Variants in ART3 observed in about 807,000 individuals in gnomAD.
ART3 encodes the protein ecto-ADP-ribosyltransferase 3.
Under a neutral mutation model 48.5 loss-of-function variants are expected in ART3, and 49 were observed. The observed-to-expected ratio is 1.01, with a 90% CI of 0.80 to 1.28. The LOEUF is 1.28. Ranked by LOEUF, ART3 falls within the 50% of genes most tolerant of loss-of-function variation. ART3 has a pLI of 0.00. For synonymous variants in ART3, 145 were observed against 157.2 expected (o/e 0.92, Z 0.58); for missense variants, 438 against 454.3 (o/e 0.96, Z 0.33).
At chr4:76,104,297 C>T (rs1727990265) in intron 9 of ART3, 8 of 948,676 alleles carry the variant, frequency 8.4e-6, no homozygotes, top group South Asian at 9.7e-5. Flanking sequence ...CCTACCTTTA[C>T]GCACAAGTTG....
chr4:76,079,903 C>T (rs1722051479), intron 2 of ART3, among the ~76,000 whole-genome samples: 1 of 146,598 alleles, frequency 6.8e-6, no homozygotes, highest in African/African-American at 2.5e-5. Context: ...CTCTCTTTCA[C>T]TCTCTCTCTC....
chr4:76,029,416 T>G (rs1320858084), intron 1 of ART3, among the ~76,000 whole-genome samples: 1 of 152,224 alleles, frequency 6.6e-6, no homozygotes, highest in South Asian at 2.1e-4. Context: ...TTAGGACGTA[T>G]TCTTCTTAGG....
chr4:76,060,244 T>C (rs1719080001), intron 1 of ART3, among the ~76,000 whole-genome samples: 3 of 152,204 alleles, frequency 2.0e-5, no homozygotes, highest in Admixed American at 1.3e-4. Context: ...TTGTAGAATA[T>C]TGTGGAATCA....
intron 1 of ART3, among the ~76,000 whole-genome samples, chr4:76,039,346 A>G (rs1352181587): frequency 6.6e-6 from 1 of 152,126 alleles, no homozygotes; most frequent in Non-Finnish European, 1.5e-5. Context: ...GGGCTGTTAT[A>G]AACTAGGTAT....
At chr4:76,111,463 ATACAG>A (rs1213559848) in intron 11 of ART3, among the ~76,000 whole-genome samples, 1 of 152,204 alleles carries the variant, frequency 6.6e-6, no homozygotes, top group African/African-American at 2.4e-5. Context: ...GTATTAGTAA[ATACAG>A]TACAGTACTG....
chr4:76,040,440 A>ACACACACACACGCGCG (rs1553926420), intron 1 of ART3, among the ~76,000 whole-genome samples: 1 of 93,256 alleles, frequency 1.1e-5, no homozygotes, highest in African/African-American at 5.4e-5. Flanking sequence ...CACTGGATAC[A>ACACACACACACGCGCG]CACACACACA....
At chr4:76,070,772 G>A (rs542015008), upstream of ART3, among the ~76,000 whole-genome samples, 9 of 152,064 alleles carry the variant, frequency 5.9e-5, no homozygotes, top group Admixed American at 5.9e-4. Context: ...ATCATCTTTT[G>A]TTACTACTTT....
chr4:76,039,923 G>A (rs2149421406), intron 1 of ART3, among the ~76,000 whole-genome samples: 1 of 152,294 alleles, frequency 6.6e-6, no homozygotes, highest in East Asian at 1.9e-4. Flanking sequence ...TCAGTACTCT[G>A]CTGGGAGTCT....
intron 1 of ART3, 66 bp from the exon 2 acceptor site, chr4:76,075,814 TC>T: frequency 8.2e-7 from 1 of 1,212,544 alleles, no homozygotes; most frequent in Non-Finnish European, 1.2e-6. Flanking sequence ...CGCAGTGTCA[TC>T]CTATTCTACT....
At chr4:76,024,407 GAAA>G (rs72561720) in intron 1 of ART3, among the ~76,000 whole-genome samples, 1 of 150,236 alleles carries the variant, frequency 6.7e-6, no homozygotes, top group Non-Finnish European at 1.5e-5. Flanking sequence ...CAAAGAAAAA[GAAA>G]AAAAAAGTGT....
At chr4:76,018,737 A>G (rs977052344) in intron 1 of ART3, among the ~76,000 whole-genome samples, 1 of 152,216 alleles carries the variant, frequency 6.6e-6, no homozygotes. Flanking sequence ...AATGAAGAAC[A>G]TATGCCAGAG....
At chr4:76,092,042 C>G (rs572880758) in intron 3 of ART3, among the ~76,000 whole-genome samples, 16 of 152,210 alleles carry the variant, frequency 1.1e-4, no homozygotes, top group Admixed American at 2.6e-4. Flanking sequence ...AACCTCAAAA[C>G]CAGGTAGTGT....
At chr4:76,088,419 A>G (rs1326908971) in intron 3 of ART3, among the ~76,000 whole-genome samples, 2 of 152,104 alleles carry the variant, frequency 1.3e-5, no homozygotes, top group Non-Finnish European at 2.9e-5. Flanking sequence ...AGGAGCCTGT[A>G]GACTCCAGTG....
chr4:76,012,875 C>G (rs1440745116), intron 1 of ART3, among the ~76,000 whole-genome samples: 2 of 152,158 alleles, frequency 1.3e-5, no homozygotes, highest in Non-Finnish European at 2.9e-5. Context: ...TAAAATGTCA[C>G]TTTAAAATTG....
At chr4:76,015,443 C>G (rs988586328) in intron 1 of ART3, among the ~76,000 whole-genome samples, 2 of 151,870 alleles carry the variant, frequency 1.3e-5, no homozygotes, top group South Asian at 2.1e-4. Context: ...AGAGGGGACT[C>G]AAAATAGTAC....
At chr4:76,021,915 T>C in intron 1 of ART3, 1 of 1,610,606 alleles carries the variant, frequency 6.2e-7, no homozygotes, top group South Asian at 1.1e-5. Flanking sequence ...GCATCGATTT[T>C]GCTCCCCTCT....
In ART3 at chr4:76,112,396, A is replaced by T; in HGVS notation, c.1047A>T (p.Pro349=). Residue 349 remains proline (P), a synonymous_variant, in exon 12 of 12, where the codon CCA becomes CCT. Coordinates refer to ENST00000355810, the MANE Select transcript of ART3 (RefSeq NM_001130016.3). ...QGNINNPTPG[P]VPVPGPKSHP... is the part of the protein sequence containing the mutation. ...TATTCTTGTTAACAGCTCCAGGTCCAGTTCCTGTTCCAGGTCCCAAAAGCC... is the reference window on the plus strand; with the variant it reads ...TATTCTTGTTAACAGCTCCAGGTCCTGTTCCTGTTCCAGGTCCCAAAAGCC... The T allele has an allele frequency of 1.2e-6, 2 of 1,613,846 alleles. No individual in the cohort carries two copies. The highest frequency in any genetic ancestry group is 1.7e-6 in the Non-Finnish European group (2 of 1,179,908).
upstream of ART3, among the ~76,000 whole-genome samples, chr4:76,074,411 G>T (rs1720650689): frequency 6.6e-6 from 1 of 152,130 alleles, no homozygotes; most frequent in South Asian, 2.1e-4. Flanking sequence ...GAATCACTTA[G>T]CCTAGAGTAA....
chr4:76,107,933 C>T, intron 11 of ART3, 140 bp downstream of exon 11: 1 of 624,250 alleles, frequency 1.6e-6, no homozygotes, highest in South Asian at 2.7e-5. Context: ...AATGTCATAT[C>T]CAAAAGCTTG....
Sources: gnomAD v4.1 joint callset for allele counts (sites outside exome capture counted in the v4.1 genomes callset) on GRCh38, gnomAD v4.1.1 for gene constraint, MANE v1.5 for transcripts, NCBI Gene and HGNC (gene_info 2026-07-23, HGNC 2026-07-21) for gene names.